The following SPAG17 variants were observed in gnomAD, a reference collection of about 807,000 sequenced individuals.
The protein encoded by SPAG17 is sperm-associated antigen 17.
In SPAG17, 169 loss-of-function variants were observed where a neutral mutation model predicts 273.6. That is an observed-to-expected ratio of 0.62 (90% CI 0.55 to 0.70). The LOEUF is 0.70. Ranked by LOEUF, SPAG17 falls within the 30% of genes least tolerant of loss-of-function variation. The pLI is 0.00. For synonymous variants in SPAG17, 825 were observed against 873.2 expected, an observed-to-expected ratio of 0.94 and a Z score of 0.97; for missense variants, 2,557 against 2,627.8, an observed-to-expected ratio of 0.97 and a Z score of 0.59.
At chr1:118,109,878 G>A (rs542024116) in intron 4 of SPAG17, among the ~76,000 whole-genome samples, 1 of 152,178 alleles carries the variant, frequency 6.6e-6, no homozygotes, top group East Asian at 1.9e-4. Context: ...ATTAAATATA[G>A]TGGTTTTCAC....
chr1:118,002,919 A>G (rs1194718044), intron 32 of SPAG17, among the ~76,000 whole-genome samples: 2 of 152,156 alleles, frequency 1.3e-5, no homozygotes, highest in African/African-American at 2.4e-5. Flanking sequence ...TCTTCATAGC[A>G]TAGATGGTCT....
At chr1:118,080,401 C>T (rs574119052) in intron 15 of SPAG17, among the ~76,000 whole-genome samples, 17 of 152,130 alleles carry the variant, frequency 1.1e-4, no homozygotes, top group Non-Finnish European at 2.4e-4. Flanking sequence ...AGGCCTAATT[C>T]TGTTGGGCTA....
chr1:117,992,708 T>G (rs925556773), intron 35 of SPAG17, 60 bp from the exon 36 acceptor site: 9 of 1,321,902 alleles, frequency 6.8e-6, no homozygotes, highest in Non-Finnish European at 9.0e-6. Context: ...CACATTCAAA[T>G]TTTTTTTAAC....
At chr1:118,001,332 C>A (rs1364725579) in intron 32 of SPAG17, among the ~76,000 whole-genome samples, 2 of 152,168 alleles carry the variant, frequency 1.3e-5, no homozygotes, top group African/African-American at 4.8e-5. Flanking sequence ...ATGTTGGCCT[C>A]ATAAAACAAG....
In SPAG17 at chr1:117,969,376, C is replaced by T. The variant is rs142945968; in HGVS notation, c.6387+680G>A. Among the ~76,000 whole-genome samples, 1,313 of 152,056 alleles carry T rather than the reference C, an allele frequency of 8.6e-3. 12 individuals are homozygous for T. The highest frequency in any genetic ancestry group is 0.014 in the Non-Finnish European group (929 of 67,996). ...CGGGTGGATAGAGAGGCCAAGAGTT[C>T]GAGACCAGCCTGACTAGCATGGTGA... On this transcript the variant is annotated intron_variant, in intron 46 of 48. Transcript: ENST00000336338.
chr1:118,009,985 A>G (rs964207836), intron 30 of SPAG17, among the ~76,000 whole-genome samples: 2 of 152,180 alleles, frequency 1.3e-5, no homozygotes, highest in Non-Finnish European at 1.5e-5. Flanking sequence ...AAGTAAAATA[A>G]TCCAGGTACA....
At chr1:118,081,746 G>A (rs1654593237) in intron 13 of SPAG17, 104 bp from the exon 14 acceptor site, 1 of 913,060 alleles carries the variant, frequency 1.1e-6, no homozygotes. Context: ...AAAGACAAGA[G>A]AGTCACGCCA....
At position 117,996,411 on chromosome 1, in the gene SPAG17, G is replaced by C. The variant is rs1283508227; in HGVS notation, c.5012C>G (p.Ser1671Ter). Residue 1671 changes from serine (S) to a stop codon, truncating the protein, a stop_gained, in exon 34 of 49, where the codon TCA (serine) becomes TGA (stop). Transcript: ENST00000336338. LOFTEE classifies it high-confidence loss of function. ...EEYLSLAYKESNTVVLQEPVQ... is the reference protein window; with the variant it reads ...EEYLSLAYKE ...TGGCTCTTGGAGAACAACAGTATTT[G>C]ATTCTTTATATGCCAAAGATAGATA... is the stretch of plus-strand genomic sequence containing the variant. The C allele has an allele frequency of 1.2e-6, 2 of 1,612,766 alleles. No individual in the cohort carries two copies. The highest frequency in any genetic ancestry group is 2.7e-5 in the African/African-American group (2 of 74,826).
At chr1:118,089,693 A>G (rs12091900) in intron 10 of SPAG17, among the ~76,000 whole-genome samples, 15,851 of 152,168 alleles carry the variant, frequency 0.1, 2,258 homozygotes, top group African/African-American at 0.33. Context: ...CAGATTCACT[A>G]GGTTTTAAGT....
intron 40 of SPAG17, 104 bp downstream of exon 40, chr1:117,987,730 C>A: frequency 8.8e-7 from 1 of 1,130,522 alleles, no homozygotes; most frequent in Non-Finnish European, 1.3e-6. Context: ...AGAAGAGAAT[C>A]AAATAACATC....
intron 3 of SPAG17, among the ~76,000 whole-genome samples, chr1:118,125,331 G>T (rs184494399): frequency 2.0e-5 from 3 of 151,736 alleles, no homozygotes; most frequent in African/African-American, 4.9e-5. Flanking sequence ...ATTAAATCAG[G>T]GTAATTAGCA....
chr1:118,028,225 C>T (rs373002184), intron 26 of SPAG17, 49 bp downstream of exon 26: 55 of 1,567,344 alleles, frequency 3.5e-5, no homozygotes, highest in East Asian at 4.5e-5. Flanking sequence ...CTGTTTTCTA[C>T]GTGACATTTT....
chr1:117,998,689 A>T (rs1256427291), intron 32 of SPAG17, among the ~76,000 whole-genome samples: 4 of 152,164 alleles, frequency 2.6e-5, no homozygotes, highest in Admixed American at 2.6e-4. Flanking sequence ...ATCCATGATC[A>T]TGGAATGTTT....
At chr1:118,003,309 G>T (rs544379833) in intron 32 of SPAG17, among the ~76,000 whole-genome samples, 159 of 152,228 alleles carry the variant, frequency 1.0e-3, no homozygotes, top group Non-Finnish European at 1.9e-3. Flanking sequence ...TCTTGGGGTT[G>T]CTCTTCTCGA....
intron 1 of SPAG17, among the ~76,000 whole-genome samples, chr1:118,168,214 T>C (rs936016630): frequency 1.3e-5 from 2 of 152,200 alleles, no homozygotes; most frequent in African/African-American, 2.4e-5. Flanking sequence ...ATGGAAGGCT[T>C]GGGCCCTAGT....
At chr1:118,028,471 T>C (rs1648041047) in intron 25 of SPAG17, 77 bp from the exon 26 acceptor site, 3 of 1,562,098 alleles carry the variant, frequency 1.9e-6, no homozygotes, top group Non-Finnish European at 2.6e-6. Flanking sequence ...TAAGCCAGGA[T>C]ATGCTGAGTG....
At chr1:117,988,494 T>C (rs142002206) in intron 38 of SPAG17, among the ~76,000 whole-genome samples, 170 of 152,348 alleles carry the variant, frequency 1.1e-3, no homozygotes, top group African/African-American at 3.2e-3. Context: ...AATTTCCTCA[T>C]ATCTGAAGCA....
At chr1:117,976,334 T>C (rs1349756048) in intron 43 of SPAG17, among the ~76,000 whole-genome samples, 1 of 152,232 alleles carries the variant, frequency 6.6e-6, no homozygotes, top group African/African-American at 2.4e-5. Context: ...CTGCTGGACC[T>C]GAGCCGAGTG....
chr1:118,025,684 G>T (rs1006936115), intron 26 of SPAG17, among the ~76,000 whole-genome samples: 6 of 151,982 alleles, frequency 3.9e-5, no homozygotes. Context: ...TAGACAGAGG[G>T]TCTCATTATG....
Sources: allele counts gnomAD v4.1 joint callset (sites outside exome capture counted in the v4.1 genomes callset), GRCh38; gene constraint gnomAD v4.1.1; transcripts MANE v1.5; gene names NCBI Gene and HGNC (gene_info 2026-07-23, HGNC 2026-07-21).